Variants in L3MBTL4 observed in about 807,000 individuals in gnomAD.
L3MBTL4 encodes the protein lethal(3)malignant brain tumor-like protein 4.
A neutral mutation model predicts 84.5 loss-of-function variants in L3MBTL4; 70 were observed. The observed-to-expected ratio is 0.83, with a 90% CI of 0.68 to 1.01. L3MBTL4 has a LOEUF of 1.01. L3MBTL4 is among the 50% of genes least tolerant of loss of function. The pLI is 0.00. For missense variants in L3MBTL4, 715 were observed against 754.8 expected (o/e 0.95, Z 0.62); for synonymous variants, 274 against 259.8 (o/e 1.05, Z -0.52).
At chr18:6,102,873 A>G (rs1189666186) in intron 14 of L3MBTL4, among the ~76,000 whole-genome samples, 1 of 152,230 alleles carries the variant, frequency 6.6e-6, no homozygotes, top group Non-Finnish European at 1.5e-5. Context: ...GCTGTTTGTT[A>G]TAGGTAATAG....
intron 16 of L3MBTL4, among the ~76,000 whole-genome samples, chr18:6,049,183 A>G (rs2056753037): frequency 6.6e-6 from 1 of 152,150 alleles, no homozygotes; most frequent in Non-Finnish European, 1.5e-5. Context: ...AGGAAACACC[A>G]TTTTCTGAAT....
intron 13 of L3MBTL4, among the ~76,000 whole-genome samples, chr18:6,149,331 G>A (rs1024958269): frequency 8.6e-5 from 13 of 151,860 alleles, no homozygotes; most frequent in Non-Finnish European, 1.3e-4. Flanking sequence ...AGTTTGCTGA[G>A]AATGATGGTT....
intron 16 of L3MBTL4, among the ~76,000 whole-genome samples, chr18:6,067,621 C>T (rs2057443900): frequency 6.6e-6 from 1 of 152,122 alleles, no homozygotes; most frequent in Admixed American, 6.5e-5. Context: ...GTGTGACTTT[C>T]ATTTCCAGAA....
At chr18:6,386,021 T>C (rs1195353807) in intron 1 of L3MBTL4, among the ~76,000 whole-genome samples, 1 of 152,176 alleles carries the variant, frequency 6.6e-6, no homozygotes, top group Non-Finnish European at 1.5e-5. Flanking sequence ...AGACTAGAAT[T>C]TCCTAAAGAA....
intron 1 of L3MBTL4, among the ~76,000 whole-genome samples, chr18:6,319,878 G>A (rs1460065721): frequency 2.0e-5 from 3 of 151,952 alleles, no homozygotes; most frequent in African/African-American, 7.2e-5. Flanking sequence ...GATGAACATA[G>A]ATGCAAAAAT....
intron 16 of L3MBTL4, among the ~76,000 whole-genome samples, chr18:6,075,860 T>C (rs977961356): frequency 6.6e-5 from 10 of 152,160 alleles, no homozygotes; most frequent in African/African-American, 2.2e-4. Context: ...TAAAAGAAGA[T>C]ATTCAAATAG....
chr18:6,015,998 C>A lies in L3MBTL4; in HGVS notation c.1445-46436G>T, dbSNP rs1598439800. On this transcript the variant is annotated intron_variant, in intron 16 of 18. Coordinates refer to ENST00000317931, the MANE Select transcript of L3MBTL4 (RefSeq NM_001330559.2). ...AAAAATAAAAATTCACAACTCGGTGCAGTCTCTACTGAGTGTCCTGTGACC... is the reference window on the plus strand; with the variant it reads ...AAAAATAAAAATTCACAACTCGGTGAAGTCTCTACTGAGTGTCCTGTGACC... Among the ~76,000 whole-genome samples the A allele has an allele frequency of 2.6e-5, 4 of 152,190 alleles. No homozygotes were observed. The South Asian group carries it at 8.3e-4, about 32-fold the overall frequency.
chr18:6,116,980 A>G (rs1250543138), intron 14 of L3MBTL4, among the ~76,000 whole-genome samples: 1 of 152,182 alleles, frequency 6.6e-6, no homozygotes, highest in Non-Finnish European at 1.5e-5. Flanking sequence ...GGGTTCCAGA[A>G]CTTCCTATCC....
At chr18:6,102,429 C>T (rs538516134) in intron 14 of L3MBTL4, among the ~76,000 whole-genome samples, 1 of 152,322 alleles carries the variant, frequency 6.6e-6, no homozygotes, top group East Asian at 1.9e-4. Context: ...CCTATTTAGC[C>T]ATCCCAGGTC....
At chr18:6,302,249 C>T (rs1205730835) in intron 3 of L3MBTL4, among the ~76,000 whole-genome samples, 1 of 152,080 alleles carries the variant, frequency 6.6e-6, no homozygotes, top group African/African-American at 2.4e-5. Context: ...TGAGTGGATC[C>T]CTGGGCCTGA....
chr18:6,179,412 G>T (rs995491832), intron 12 of L3MBTL4, among the ~76,000 whole-genome samples: 3 of 152,154 alleles, frequency 2.0e-5, no homozygotes, highest in African/African-American at 4.8e-5. Context: ...GATACCTATT[G>T]CTCATAACTA....
At chr18:6,148,005 C>G (rs1010537587) in intron 13 of L3MBTL4, among the ~76,000 whole-genome samples, 1 of 151,982 alleles carries the variant, frequency 6.6e-6, no homozygotes, top group Non-Finnish European at 1.5e-5. Context: ...TCAGGGAGAT[C>G]AGAGGTTTGA....
intron 18 of L3MBTL4, among the ~76,000 whole-genome samples, chr18:5,959,690 C>T (rs903525692): frequency 9.9e-5 from 15 of 152,182 alleles, no homozygotes; most frequent in Admixed American, 5.2e-4. Context: ...CCTGCCTTCC[C>T]GCAAATGGCT....
chr18:6,308,618 A>C (rs1461559307), intron 3 of L3MBTL4, among the ~76,000 whole-genome samples: 1 of 152,246 alleles, frequency 6.6e-6, no homozygotes, highest in Non-Finnish European at 1.5e-5. Flanking sequence ...GAAAAGAATA[A>C]GACCTGTATC....
At chr18:6,023,503 T>A (rs1011525387) in intron 16 of L3MBTL4, among the ~76,000 whole-genome samples, 1 of 152,152 alleles carries the variant, frequency 6.6e-6, no homozygotes. Flanking sequence ...TAGCTTTCTA[T>A]GAAATGAGAA....
chr18:6,109,673 A>C (rs1375777360), intron 14 of L3MBTL4, among the ~76,000 whole-genome samples: 1 of 152,114 alleles, frequency 6.6e-6, no homozygotes, highest in Non-Finnish European at 1.5e-5. Context: ...CAGATCTGTC[A>C]GTGAGCTCAC....
chr18:6,356,006 A>G (rs1440499426), intron 1 of L3MBTL4, among the ~76,000 whole-genome samples: 1 of 152,140 alleles, frequency 6.6e-6, no homozygotes, highest in Non-Finnish European at 1.5e-5. Context: ...AGACCTCTAG[A>G]GCTCCTCCAC....
chr18:6,409,670 C>T (rs980268473), intron 1 of L3MBTL4, among the ~76,000 whole-genome samples: 24 of 152,164 alleles, frequency 1.6e-4, no homozygotes, highest in African/African-American at 2.4e-5. Flanking sequence ...AATATCAAAA[C>T]CCACCATCAC....
rs574106742 is a variant in L3MBTL4, at chr18:6,128,397, G to GA, written c.1199+9796dup. 2.4e-4 allele frequency among the ~76,000 whole-genome samples: 37 copies of GA among 152,192 alleles called. 2 individuals are homozygous for GA. The East Asian group carries it at 7.0e-3, about 29-fold the overall frequency. On this transcript the variant is annotated intron_variant, in intron 14 of 18. Transcript: ENST00000317931. Reference sequence around the variant, plus strand: ...AGGTGAGTCTCCAGATTGAAACAATGAATGGACAAAAGGCCAATTTCAAGT... The same window carrying GA: ...AGGTGAGTCTCCAGATTGAAACAATGAAATGGACAAAAGGCCAATTTCAAGT...
Sources: allele counts gnomAD v4.1 joint callset (sites outside exome capture counted in the v4.1 genomes callset), GRCh38; gene constraint gnomAD v4.1.1; transcripts MANE v1.5; gene names NCBI Gene and HGNC (gene_info 2026-07-23, HGNC 2026-07-21).